PCNX2: variants seen among roughly 807,000 people sequenced by gnomAD.
PCNX2 encodes the protein pecanex-like protein 2.
A neutral mutation model predicts 223.8 loss-of-function variants in PCNX2; 168 were observed. The observed-to-expected ratio is 0.75, with a 90% CI of 0.66 to 0.85. The LOEUF (loss-of-function observed/expected upper bound fraction) is 0.85. Ranked by LOEUF, PCNX2 falls within the 40% of genes least tolerant of loss-of-function variation. PCNX2 has a pLI of 0.00. For synonymous variants in PCNX2, 1,006 were observed against 1,052.6 expected (o/e 0.96, Z 0.86); for missense variants, 2,507 against 2,675.5 (o/e 0.94, Z 1.39).
Position 233,140,633 on chromosome 1 carries a change from C to T in PCNX2, c.3518-778G>A, listed in dbSNP as rs1677049123. On this transcript the variant is annotated intron_variant, in intron 19 of 33. Coordinates refer to ENST00000258229, the MANE Select transcript of PCNX2 (RefSeq NM_014801.4). ...GCAGGAGATGGGGTAATGAGGAATG[C>T]ATGCTTGCCCATCTGGGGAGCCCGT... Among the ~76,000 whole-genome samples the T allele has an allele frequency of 3.3e-5, 5 of 152,220 alleles. No individual in the cohort carries two copies. In the South Asian group the frequency reaches 1.0e-3, roughly 31 times the overall value.
chr1:233,321,966 G>C, the PCNX2 span, among the ~76,000 whole-genome samples: 1 of 152,148 alleles, frequency 6.6e-6, no homozygotes, highest in African/African-American at 2.4e-5. Context: ...GGGTCTCTCA[G>C]GGGCCTCGGA....
At chr1:233,016,188 G>A (rs569510547) in intron 27 of PCNX2, among the ~76,000 whole-genome samples, 1 of 152,150 alleles carries the variant, frequency 6.6e-6, no homozygotes, top group South Asian at 2.1e-4. Flanking sequence ...GAAACTCACA[G>A]ACCTTGGCTA....
chr1:233,265,436 A>G (rs1660278915), intron 1 of PCNX2, among the ~76,000 whole-genome samples: 1 of 152,182 alleles, frequency 6.6e-6, no homozygotes. Context: ...ATGGACAATG[A>G]GCACAAGTGC....
At position 233,160,272 on chromosome 1, in the gene PCNX2, A is replaced by G. The variant is rs1439871273; in HGVS notation, c.3517+11T>C. 5 of 1,597,358 alleles carry G rather than the reference A, an allele frequency of 3.1e-6. No homozygotes were observed. The highest frequency in any genetic ancestry group is 4.3e-6 in the Non-Finnish European group (5 of 1,172,146). The stretch of plus-strand genomic sequence containing the variant: ...TTTTTTTTTTTTTTAAATGAGGGAT[A>G]TATTACTAACCTCTCACTTCCCGTT... On this transcript the variant is annotated intron_variant, in intron 19 of 33. Coordinates refer to ENST00000258229, the MANE Select transcript of PCNX2 (RefSeq NM_014801.4).
At chr1:233,289,737 C>T (rs1661651954) in intron 1 of PCNX2, among the ~76,000 whole-genome samples, 1 of 152,212 alleles carries the variant, frequency 6.6e-6, no homozygotes, top group Non-Finnish European at 1.5e-5. Flanking sequence ...ACAGAGAAAG[C>T]CTTTCTTTTG....
chr1:233,034,741 C>T (rs181928375), intron 25 of PCNX2, among the ~76,000 whole-genome samples: 1 of 152,220 alleles, frequency 6.6e-6, no homozygotes. Context: ...AAAATATTCC[C>T]TTTTTTTGCA....
intron 15 of PCNX2, among the ~76,000 whole-genome samples, chr1:233,196,742 T>C (rs1288511244): frequency 1.3e-5 from 2 of 152,040 alleles, no homozygotes; most frequent in Non-Finnish European, 2.9e-5. Context: ...AAATCAAAGA[T>C]TATGTGAGGG....
In PCNX2 at chr1:233,025,931, TA is replaced by T. The variant is rs770000064; in HGVS notation, c.4352-533del. Reference sequence around the variant, plus strand: ...CAGTGCCTGGCAGGTAGAAATTCAGTAAACACACAAACAAATAAATAAACAA... The same window carrying T: ...CAGTGCCTGGCAGGTAGAAATTCAGTAACACACAAACAAATAAATAAACAA... On this transcript the variant is annotated intron_variant, in intron 25 of 33. Transcript: ENST00000258229. 2.7e-4 allele frequency among the ~76,000 whole-genome samples: 41 copies of T among 152,246 alleles called. 1 individual carries two copies. The highest frequency in any genetic ancestry group is 6.5e-4 in the Admixed American group (10 of 15,298).
At chr1:233,265,568 C>T (rs981588902) in intron 1 of PCNX2, among the ~76,000 whole-genome samples, 6 of 152,182 alleles carry the variant, frequency 3.9e-5, no homozygotes, top group Admixed American at 6.5e-5. Context: ...TTCTTTCAGA[C>T]TAGGTACCTG....
At chr1:233,318,563 C>CTTTTTTTTTTTTTTTTTTTTTTTT in the PCNX2 span, among the ~76,000 whole-genome samples, 7 of 92,504 alleles carry the variant, frequency 7.6e-5, no homozygotes, top group East Asian at 2.9e-4. Flanking sequence ...TTTTCTTTTT[C>CTTTTTTTTTTTTTTTTTTTTTTTT]TTTTTTTTTT....
intron 27 of PCNX2, among the ~76,000 whole-genome samples, chr1:233,015,692 C>A (rs961373194): frequency 1.3e-5 from 2 of 151,218 alleles, no homozygotes; most frequent in Non-Finnish European, 2.9e-5. Flanking sequence ...GACTCTGTCT[C>A]AAAAAAATAA....
intron 15 of PCNX2, 120 bp downstream of exon 15, chr1:233,198,819 C>T: frequency 9.9e-7 from 1 of 1,010,654 alleles, no homozygotes; most frequent in Non-Finnish European, 1.5e-6. Context: ...CACACAGTCA[C>T]TCCCTGATTT....
At chr1:233,087,189 G>A in intron 23 of PCNX2, 1 of 985,344 alleles carries the variant, frequency 1.0e-6, no homozygotes, top group Non-Finnish European at 1.2e-6. Flanking sequence ...TCTCATTAGA[G>A]ACCTGCACAA....
chr1:233,316,727 CTT>C, the PCNX2 span, among the ~76,000 whole-genome samples: 5 of 152,262 alleles, frequency 3.3e-5, no homozygotes, highest in South Asian at 1.0e-3. Context: ...TTGCTCAAAT[CTT>C]ATCTTCTCAA....
Position 233,000,292 on chromosome 1 carries a change from G to GTGGCC in PCNX2, c.5328+8_5328+12dup, listed in dbSNP as rs1280157777. On this transcript the variant is annotated intron_variant, in intron 30 of 33. Coordinates refer to ENST00000258229, the MANE Select transcript of PCNX2 (RefSeq NM_014801.4). The surrounding 1 kb of genome is among the most constrained non-coding windows in gnomAD (Gnocchi z 4.6). ...CGAGCCAACAGGGGACCCAGAAAGT[G>GTGGCC]TGGCCGCCATACCTTGATCACCTTG... 1 of 1,612,884 alleles carries GTGGCC rather than the reference G, an allele frequency of 6.2e-7. No individual in the cohort carries two copies. The highest frequency in any genetic ancestry group is 1.3e-5 in the African/African-American group (1 of 74,900).
chr1:233,322,393 G>A, the PCNX2 span, among the ~76,000 whole-genome samples: 1 of 152,234 alleles, frequency 6.6e-6, no homozygotes, highest in Non-Finnish European at 1.5e-5. Flanking sequence ...GTTAAAAATA[G>A]CACCGAAGCA....
chr1:233,025,447 A>G (rs1572024145), intron 25 of PCNX2, 48 bp from the exon 26 acceptor site: 1 of 1,598,650 alleles, frequency 6.3e-7, no homozygotes, highest in Non-Finnish European at 8.5e-7. Context: ...GGCATGCTAG[A>G]ATGTTTGCTT....
chr1:233,239,909 C>T (rs1168523670), intron 8 of PCNX2, among the ~76,000 whole-genome samples: 2 of 152,172 alleles, frequency 1.3e-5, no homozygotes, highest in East Asian at 3.9e-4. Context: ...TAAAGACAGT[C>T]TCAAACAGCA....
intron 1 of PCNX2, among the ~76,000 whole-genome samples, chr1:233,277,407 A>G (rs1660971189): frequency 6.6e-6 from 1 of 152,198 alleles, no homozygotes; most frequent in Non-Finnish European, 1.5e-5. Context: ...AAAGCTTTTC[A>G]TTGTCAAGAC....
Sources: allele counts gnomAD v4.1 joint callset (sites outside exome capture counted in the v4.1 genomes callset), GRCh38; gene constraint gnomAD v4.1.1; non-coding constraint Gnocchi (gnomAD v3.1); transcripts MANE v1.5; gene names NCBI Gene and HGNC (gene_info 2026-07-23, HGNC 2026-07-21).